Variants in TSC2 observed in about 807,000 individuals in gnomAD.
The protein encoded by TSC2 is TSC complex subunit 2, also known as tuberin.
A neutral mutation model predicts 202.2 loss-of-function variants in TSC2; 29 were observed. The ratio of observed to expected loss-of-function variants is 0.14; its 90% CI spans 0.11 to 0.20. TSC2 has a LOEUF of 0.20. Ranked by LOEUF, TSC2 falls within the 10% of genes least tolerant of loss-of-function variation. The pLI is 1.00. For synonymous variants in TSC2, 1,349 were observed against 1,044.0 expected, an observed-to-expected ratio of 1.29 and a Z score of -5.63; for missense variants, 2,429 against 2,420.0, an observed-to-expected ratio of 1.00 and a Z score of -0.08.
At chr16:2,067,639 G>C (rs13337200) in intron 16 of TSC2, among the ~76,000 whole-genome samples, 1 of 152,042 alleles carries the variant, frequency 6.6e-6, no homozygotes. Context: ...GCGTGGTGGC[G>C]CATGCCTGTA....
rs1417673642 is a variant in TSC2, at chr16:2,082,377, T to C, written c.3815-59T>C. The stretch of plus-strand genomic sequence containing the variant: ...CAGGCACGGGGCCTGTGCTCTCTGC[T>C]CGACCTGTGTGTAGCCCCTCCTCCT... On this transcript the variant is annotated intron_variant, in intron 31 of 41. Transcript: ENST00000219476. 7.5e-6 allele frequency: 12 copies of C among 1,592,092 alleles called. No individual in the cohort carries two copies. In the Admixed American group the frequency reaches 2.0e-4, roughly 27 times the overall value.
chr16:2,057,670 C>G (rs572032986), intron 9 of TSC2, among the ~76,000 whole-genome samples: 1 of 152,186 alleles, frequency 6.6e-6, no homozygotes, highest in African/African-American at 2.4e-5. Flanking sequence ...CTTTTTCTGA[C>G]ACAGATATGT....
At chr16:2,085,902 G>A (rs1331512173) in intron 36 of TSC2, among the ~76,000 whole-genome samples, 2 of 152,232 alleles carry the variant, frequency 1.3e-5, no homozygotes, top group Non-Finnish European at 2.9e-5. Flanking sequence ...TGGTTCCCGT[G>A]GGAGTGGGGT....
rs941595244 is a variant in TSC2, at chr16:2,056,258, C to A, written c.648+14C>A. On this transcript the variant is annotated intron_variant, in intron 7 of 41. Coordinates refer to ENST00000219476, the MANE Select transcript of TSC2 (RefSeq NM_000548.5). ...GTGGACATAGAGGTCAGTGCCTCCC[C>A]TCCCCAGGGCCGGCCCATTTCACCC... is the stretch of plus-strand genomic sequence containing the variant. 1 of 1,613,978 alleles carries A rather than the reference C, an allele frequency of 6.2e-7. No individual in the cohort carries two copies.
At chr16:2,055,676 A>C in intron 6 of TSC2, 157 bp downstream of exon 6, 1 of 728,534 alleles carries the variant, frequency 1.4e-6, no homozygotes. Context: ...GCGGATCACG[A>C]GGTCAGGAGT....
chr16:2,068,961 G>T (rs2087804933), intron 16 of TSC2, among the ~76,000 whole-genome samples: 1 of 151,076 alleles, frequency 6.6e-6, no homozygotes, highest in Non-Finnish European at 1.5e-5. Flanking sequence ...GGTCTTCATT[G>T]TTGTCATCCT....
chr16:2,076,720 G>A, intron 25 of TSC2, 135 bp downstream of exon 25: 1 of 896,194 alleles, frequency 1.1e-6, no homozygotes, highest in Non-Finnish European at 1.7e-6. Flanking sequence ...AGGCAGGGCA[G>A]GACCTGCAAG....
intron 31 of TSC2, 88 bp downstream of exon 31, chr16:2,081,886 G>C: frequency 6.5e-7 from 1 of 1,535,184 alleles, no homozygotes; most frequent in South Asian, 1.2e-5. Flanking sequence ...CTCTGCTGAG[G>C]GCGCCCACAC....
intron 15 of TSC2, 35 bp downstream of exon 15, chr16:2,064,462 G>A (rs762386781): frequency 9.3e-6 from 15 of 1,611,682 alleles, no homozygotes; most frequent in African/African-American, 5.3e-5. Context: ...GGGTGCTAGC[G>A]TGCCAGAGCT....
At position 2,075,222 on chromosome 16, in the gene TSC2, C is replaced by CA. The variant is rs56038642; in HGVS notation, c.2546-565dup. The CA allele has an allele frequency of 9.4e-3, 1,008 of 107,624 alleles. 7 individuals are homozygous for CA. Among genetic ancestry groups the CA allele is most frequent in the Middle Eastern group, 0.025 (3 of 120 alleles). 6.7% of individuals were successfully genotyped at this position (107,624 alleles called of 1,614,324 possible). ...TGGGCAACAGAGCGAGACACCGTCT[C>CA]AAAAAAAAAAAAGAGAGAAGTGAGG... On this transcript the variant is annotated intron_variant, in intron 22 of 41. Coordinates refer to ENST00000219476, the MANE Select transcript of TSC2 (RefSeq NM_000548.5).
intron 14 of TSC2, 49 bp from the exon 15 acceptor site, chr16:2,064,223 G>A: frequency 6.2e-7 from 1 of 1,613,494 alleles, no homozygotes; most frequent in Non-Finnish European, 8.5e-7. Flanking sequence ...GTCACGAGAT[G>A]TGGCCCTCGT....
intron 38 of TSC2, among the ~76,000 whole-genome samples, chr16:2,087,590 A>G (rs1213849600): frequency 6.6e-6 from 1 of 151,942 alleles, no homozygotes; most frequent in Non-Finnish European, 1.5e-5. Context: ...GTGTGGCTGC[A>G]GACACCCTGG....
In TSC2 at chr16:2,084,731, C is replaced by G. The variant is rs45491597; in HGVS notation, c.4493+16C>G. On this transcript the variant is annotated intron_variant, in intron 34 of 41. Transcript: ENST00000219476. ...TCAACCCCAGGTGGGCCTCTTGCTT[C>G]CGGGCGGGGCTCCTGACACCTCTCC... The G allele has an allele frequency of 2.4e-4, 387 of 1,598,300 alleles. No homozygotes were observed. The highest frequency in any genetic ancestry group is 3.2e-4 in the Non-Finnish European group (376 of 1,179,860).
chr16:2,071,864 GC>G lies in TSC2; in HGVS notation c.2031del (p.Ala678ProfsTer20). ...PTGPPGPAPA[G>X]PAVRLGSVPY... ...GGGCCTCCTGGCCCGGCGCCTGCAGGCCCCGCCGTGCGGCTGGGGTCCGTGC... is the reference window on the plus strand; with the variant it reads ...GGGCCTCCTGGCCCGGCGCCTGCAGGCCCGCCGTGCGGCTGGGGTCCGTGC... On this transcript the variant is annotated frameshift_variant, in exon 19 of 42. Coordinates refer to ENST00000219476, the MANE Select transcript of TSC2 (RefSeq NM_000548.5). LOFTEE classifies it high-confidence loss of function. 6.8e-7 allele frequency: 1 copy of G among 1,469,028 alleles called. No individual in the cohort carries two copies. 91.0% of individuals were successfully genotyped at this position (1,469,028 alleles called of 1,614,324 possible). A position where few individuals can be genotyped will look rare whatever the true frequency, so the allele number is the denominator to read the frequency against.
Position 2,073,040 on chromosome 16 carries a change from G to T in TSC2, c.2355+57G>T, listed in dbSNP as rs2088721292. ...ATGGGGCCTGGGATTCGAGGGCCTG[G>T]CCCAGGTAGGCCCCACATTTTTCTC... is the stretch of plus-strand genomic sequence containing the variant. On this transcript the variant is annotated intron_variant, in intron 21 of 41. Transcript: ENST00000219476. 55 of 1,610,476 alleles carry T rather than the reference G, an allele frequency of 3.4e-5. No individual in the cohort carries two copies. In the South Asian group the frequency reaches 5.2e-4, roughly 15 times the overall value.
chr16:2,055,175 T>C (rs1596268980), intron 5 of TSC2: 2 of 621,414 alleles, frequency 3.2e-6, no homozygotes, highest in Non-Finnish European at 5.9e-6. Flanking sequence ...AGACCCTCTG[T>C]GCAGCCCCAG....
chr16:2,086,059 C>A, intron 36 of TSC2, 134 bp from the exon 37 acceptor site: 2 of 1,042,052 alleles, frequency 1.9e-6, no homozygotes, highest in Non-Finnish European at 1.4e-6. Context: ...TGGGTGGCTG[C>A]TGGAATGGAT....
chr16:2,072,075 A>C, intron 19 of TSC2, 141 bp downstream of exon 19: 1 of 1,485,036 alleles, frequency 6.7e-7, no homozygotes. Flanking sequence ...CCCTTCCCCG[A>C]GCAGCTGCAG....
chr16:2,049,402 ATG>A (rs2084804069), intron 2 of TSC2, among the ~76,000 whole-genome samples: 1 of 151,774 alleles, frequency 6.6e-6, no homozygotes, highest in African/African-American at 2.4e-5. Flanking sequence ...GTTATCTTTT[ATG>A]TGTGTTTGTG....
Sources: gnomAD v4.1 joint callset for allele counts (sites outside exome capture counted in the v4.1 genomes callset) on GRCh38, gnomAD v4.1.1 for gene constraint, MANE v1.5 for transcripts, NCBI Gene and HGNC (gene_info 2026-07-23, HGNC 2026-07-21) for gene names.